Variants in GPI observed in about 807,000 individuals in gnomAD.
The protein encoded by GPI is D-hexose-6-phosphate anomerase.
GPI carries 56 observed loss-of-function variants against 75.8 expected under a neutral mutation model. The ratio of observed to expected loss-of-function variants is 0.74; its 90% confidence interval spans 0.60 to 0.92. The LOEUF (loss-of-function observed/expected upper bound fraction) is 0.92, where lower values mean the gene tolerates loss of function less well. Ranked by LOEUF, GPI falls within the 40% of genes least tolerant of loss-of-function variation. GPI has a pLI of 0.00. For missense variants in GPI, 638 were observed against 741.0 expected (o/e 0.86, Z 1.61); for synonymous variants, 288 against 285.4 (o/e 1.01, Z -0.09).
chr19:34,369,053 CTT>C (rs891228498), intron 4 of GPI, among the ~76,000 whole-genome samples: 8 of 144,164 alleles, frequency 5.5e-5, no homozygotes, highest in Admixed American at 7.0e-5. Flanking sequence ...TTTCTTTTTT[CTT>C]TTTTTTTTTT....
At chr19:34,386,001 T>A (rs1393529367) in intron 9 of GPI, among the ~76,000 whole-genome samples, 1 of 146,410 alleles carries the variant, frequency 6.8e-6, no homozygotes, top group Admixed American at 6.8e-5. Flanking sequence ...TGGGTGTGGT[T>A]TGAGGAGCCA....
chr19:34,378,115 C>T (rs2074578284), intron 6 of GPI, among the ~76,000 whole-genome samples: 2 of 152,210 alleles, frequency 1.3e-5, no homozygotes, highest in Admixed American at 6.5e-5. Context: ...CTGACCACAC[C>T]CGCTCGCCTT....
intron 8 of GPI, 95 bp downstream of exon 8, chr19:34,379,657 G>C (rs2074611626): frequency 9.6e-7 from 1 of 1,041,348 alleles, no homozygotes; most frequent in Admixed American, 1.7e-5. Context: ...AGGTCTGGTG[G>C]ATCTTGGCTT....
intron 3 of GPI, among the ~76,000 whole-genome samples, chr19:34,367,555 G>A (rs2074385535): frequency 6.6e-6 from 1 of 152,176 alleles, no homozygotes; most frequent in African/African-American, 2.4e-5. Context: ...GCAGGGTGAG[G>A]GTGGGGTGGC....
intron 8 of GPI, chr19:34,380,937 G>A: frequency 4.1e-6 from 1 of 242,534 alleles, no homozygotes; most frequent in Non-Finnish European, 8.3e-6. Context: ...GTAAGGAATT[G>A]CTGGCCCTGT....
upstream of GPI, among the ~76,000 whole-genome samples, chr19:34,361,076 C>G (rs113304464): frequency 1.3e-5 from 2 of 151,712 alleles, no homozygotes; most frequent in Non-Finnish European, 2.9e-5. Flanking sequence ...CTGCACCCGG[C>G]CTTGTTTCAC....
In GPI at chr19:34,377,322, AAAAAAAAAAAAAAAATAT is replaced by A. The variant is rs1177129135; in HGVS notation, c.403-179_403-162del. ...ATCTCAAAAAAAAAAAAAAAAAAAA[AAAAAAAAAAAAAAAATAT>A]ATATATATATATATATATGGTAAAT... On this transcript the variant is annotated intron_variant, in intron 4 of 17. Coordinates refer to ENST00000356487, the MANE Select transcript of GPI (RefSeq NM_000175.5). Among the ~76,000 whole-genome samples, 110 of 94,842 alleles carry A rather than the reference AAAAAAAAAAAAAAAATAT, an allele frequency of 1.2e-3. 9 individuals are homozygous for A. Among genetic ancestry groups the A allele is most frequent in the East Asian group, 0.01 (28 of 2,714 alleles). 62.2% of individuals were successfully genotyped at this position (94,842 alleles called of 152,430 possible). A position where few individuals can be genotyped will look rare whatever the true frequency, so the allele number is the denominator to read the frequency against.
At position 34,393,611 on chromosome 19, in the gene GPI, C is replaced by A; in HGVS notation, c.866-117C>A. On this transcript the variant is annotated intron_variant, in intron 10 of 17. Coordinates refer to ENST00000356487, the MANE Select transcript of GPI (RefSeq NM_000175.5). The surrounding 1 kb of genome is among the most constrained non-coding windows in gnomAD (Gnocchi z 4.4). Reference sequence around the variant, plus strand: ...GGGCTTTGTCTAGGTCCGAGTCCTCCCATGTCGTATCTTCTGGCTCTCCAT... The same window carrying A: ...GGGCTTTGTCTAGGTCCGAGTCCTCACATGTCGTATCTTCTGGCTCTCCAT... The A allele has an allele frequency of 5.0e-6, 5 of 1,002,496 alleles. No individual in the cohort carries two copies. Among genetic ancestry groups the A allele is most frequent in the South Asian group, 2.6e-5 (2 of 77,804 alleles). The allele number at this position is 1,002,496 out of a possible 1,614,324, so 62.1% of individuals were successfully genotyped here.
At chr19:34,381,396 G>A (rs912603658) in intron 8 of GPI, 70 bp from the exon 9 acceptor site, 14 of 1,021,248 alleles carry the variant, frequency 1.4e-5, no homozygotes, top group East Asian at 2.4e-5. Context: ...CCTGCCTCCC[G>A]GAGCTCCTGT....
At chr19:34,371,420 G>C (rs1056677790) in intron 4 of GPI, among the ~76,000 whole-genome samples, 18 of 152,306 alleles carry the variant, frequency 1.2e-4, no homozygotes, top group African/African-American at 4.1e-4. Context: ...CACCAATAGG[G>C]ATTAGGGAGC....
intron 9 of GPI, among the ~76,000 whole-genome samples, chr19:34,388,196 G>A (rs574696576): frequency 2.0e-5 from 3 of 152,220 alleles, no homozygotes; most frequent in Non-Finnish European, 2.9e-5. Flanking sequence ...GAGGAAAGTT[G>A]CCAGGCGCAG....
chr19:34,380,185 G>A (rs967144012), intron 8 of GPI, among the ~76,000 whole-genome samples: 1 of 151,502 alleles, frequency 6.6e-6, no homozygotes, highest in African/African-American at 2.4e-5. Context: ...TAGTAGAGAC[G>A]GGGTTTCACC....
Position 34,377,752 on chromosome 19 carries a change from T to A in GPI, c.504T>A (p.Thr168=). Residue 168 remains threonine, a synonymous_variant, in exon 6 of 18, where the codon ACT becomes ACA. Coordinates refer to ENST00000356487, the MANE Select transcript of GPI (RefSeq NM_000175.5). ...CCCCGCAGGGACCCCTCATGGTGACTGAAGCCCTTAAGCCATACTCTTCAG... is the reference window on the plus strand; with the variant it reads ...CCCCGCAGGGACCCCTCATGGTGACAGAAGCCCTTAAGCCATACTCTTCAG... ...GGSDLGPLMV[T]EALKPYSSGG... 6 of 1,614,088 alleles carry A rather than the reference T, an allele frequency of 3.7e-6. No individual in the cohort carries two copies. The highest frequency in any genetic ancestry group is 5.1e-6 in the Non-Finnish European group (6 of 1,179,964).
At chr19:34,364,796 A>G (rs2074328811), upstream of GPI, 1 of 476,598 alleles carries the variant, frequency 2.1e-6, no homozygotes, top group Non-Finnish European at 3.7e-6. Context: ...TATTTGGCAC[A>G]TATGTATCCA....
At chr19:34,363,730 G>C (rs2074316769), upstream of GPI, among the ~76,000 whole-genome samples, 1 of 152,178 alleles carries the variant, frequency 6.6e-6, no homozygotes, top group Admixed American at 6.5e-5. Context: ...TGAGGCAGGA[G>C]AATCGCTTGA....
In GPI at chr19:34,393,827, C is replaced by T. The variant is rs531855951; in HGVS notation, c.909+56C>T. The T allele has an allele frequency of 1.0e-5, 16 of 1,605,590 alleles. No individual in the cohort carries two copies. In the East Asian group the frequency reaches 3.3e-4, roughly 34 times the overall value. ...GCTGGCCAGAGGCGCGTGTGTTGGT[C>T]CTGGTCCCCCGCTTTCTCCCCCACT... On this transcript the variant is annotated intron_variant, in intron 11 of 17. Transcript: ENST00000356487. The surrounding 1 kb of genome is among the most constrained non-coding windows in gnomAD (Gnocchi z 4.4).
At chr19:34,396,925 C>T (rs765598214) in intron 14 of GPI, among the ~76,000 whole-genome samples, 20 of 152,196 alleles carry the variant, frequency 1.3e-4, no homozygotes, top group Admixed American at 6.5e-5. Flanking sequence ...ATTCTTATGC[C>T]TCAGCCTCCC....
In GPI at chr19:34,396,634, A is replaced by G. The variant is rs374632644; in HGVS notation, c.1246A>G (p.Ile416Val). 3 of 1,614,134 alleles carry G rather than the reference A, an allele frequency of 1.9e-6. No individual in the cohort carries two copies. In the East Asian group the frequency reaches 6.7e-5, roughly 36 times the overall value. The change falls in exon 14 of 18, where the codon ATA (isoleucine) becomes GTA (valine). Residue 416 changes from isoleucine to valine, a missense_variant. Coordinates refer to ENST00000356487, the MANE Select transcript of GPI (RefSeq NM_000175.5). ...CATCCCGGTCCAGACCCAGCACCCC[A>G]TACGGAAGGGTCTGCATCACAAGGT... ...FLIPVQTQHP[I>V]RKGLHHKILL... is the part of the protein sequence containing the mutation.
rs181317244 is a variant in GPI at position 34,389,504 on chromosome 19, G to T, written c.805-3744G>T. Among the ~76,000 whole-genome samples the T allele has an allele frequency of 3.3e-5, 5 of 152,296 alleles. 1 individual carries two copies. The highest frequency in any genetic ancestry group is 7.3e-5 in the Non-Finnish European group (5 of 68,028). On this transcript the variant is annotated intron_variant, in intron 9 of 17. Transcript: ENST00000356487. Reference sequence around the variant, plus strand: ...GAGAATTAAGCCCTCACAGCCCAAGGCATCTACTGGATGTAATAAGTGGGC... The same window carrying T: ...GAGAATTAAGCCCTCACAGCCCAAGTCATCTACTGGATGTAATAAGTGGGC...
Sources: allele counts gnomAD v4.1 joint callset (sites outside exome capture counted in the v4.1 genomes callset), GRCh38; gene constraint gnomAD v4.1.1; non-coding constraint Gnocchi (gnomAD v3.1); transcripts MANE v1.5; gene names NCBI Gene and HGNC (gene_info 2026-07-23, HGNC 2026-07-21).